GRID1: variants seen among roughly 807,000 people sequenced by gnomAD.
GRID1 encodes the protein glutamate receptor ionotropic, delta-1.
Under a neutral mutation model 98.0 loss-of-function variants are expected in GRID1, and 28 were observed. The ratio of observed to expected loss-of-function variants is 0.29; its 90% confidence interval spans 0.21 to 0.39. The LOEUF is 0.39. Ranked by LOEUF, GRID1 falls within the 10% of genes least tolerant of loss-of-function variation. GRID1 has a pLI of 1.00. For missense variants in GRID1, 1,111 were observed against 1,340.5 expected (o/e 0.83, Z 2.67); for synonymous variants, 553 against 538.5 (o/e 1.03, Z -0.37).
intron 3 of GRID1, among the ~76,000 whole-genome samples, chr10:86,180,693 A>C (rs1845643295): frequency 6.6e-6 from 1 of 152,124 alleles, no homozygotes; most frequent in African/African-American, 2.4e-5. Context: ...AGCTGCAGGC[A>C]GGAACAAGGC....
chr10:85,627,477 G>C (rs1226805961), intron 13 of GRID1, among the ~76,000 whole-genome samples: 1 of 152,186 alleles, frequency 6.6e-6, no homozygotes, highest in Admixed American at 6.5e-5. Context: ...AAATTATTAT[G>C]TAAAACTTTA....
At chr10:86,084,817 T>C (rs1399929692) in intron 4 of GRID1, among the ~76,000 whole-genome samples, 5 of 152,048 alleles carry the variant, frequency 3.3e-5, no homozygotes, top group Admixed American at 2.6e-4. Context: ...ATGAGTTATG[T>C]AGAGCAGTCA....
intron 15 of GRID1, among the ~76,000 whole-genome samples, chr10:85,608,496 T>A (rs1367859311): frequency 6.6e-6 from 1 of 152,240 alleles, no homozygotes; most frequent in Admixed American, 6.5e-5. Context: ...ATTCATTCAA[T>A]AAACGTGTTT....
At chr10:86,042,607 C>T (rs1843362332) in intron 4 of GRID1, among the ~76,000 whole-genome samples, 1 of 152,156 alleles carries the variant, frequency 6.6e-6, no homozygotes, top group South Asian at 2.1e-4. Context: ...TAACAGCAAA[C>T]TCAAGACCTA....
chr10:85,792,203 T>C (rs940195896), intron 8 of GRID1, among the ~76,000 whole-genome samples: 2 of 152,146 alleles, frequency 1.3e-5, no homozygotes, highest in African/African-American at 2.4e-5. Context: ...CAACTGCCAG[T>C]GCCACCAGAG....
intron 12 of GRID1, chr10:85,647,618 A>G (rs538548489): frequency 2.3e-4 from 120 of 515,582 alleles, no homozygotes; most frequent in African/African-American, 2.0e-3. Flanking sequence ...GATTAATTCA[A>G]TAAGATGACT....
At chr10:86,205,813 T>C (rs1266751642) in intron 3 of GRID1, among the ~76,000 whole-genome samples, 2 of 152,198 alleles carry the variant, frequency 1.3e-5, no homozygotes, top group Non-Finnish European at 2.9e-5. Flanking sequence ...TTTTTTCATA[T>C]GAGAGGTCTT....
intron 8 of GRID1, among the ~76,000 whole-genome samples, chr10:85,792,894 A>T (rs896841101): frequency 6.6e-6 from 1 of 152,228 alleles, no homozygotes; most frequent in African/African-American, 2.4e-5. Context: ...CAGCAGGAGC[A>T]CTTGCCTGTC....
chr10:86,093,232 G>A (rs545892936), intron 4 of GRID1, among the ~76,000 whole-genome samples: 13 of 152,110 alleles, frequency 8.5e-5, no homozygotes, highest in Admixed American at 6.5e-4. Flanking sequence ...CAGCAAAGGC[G>A]GTGCTAAGAG....
chr10:86,042,376 A>C (rs915067381), intron 4 of GRID1, among the ~76,000 whole-genome samples: 33 of 152,316 alleles, frequency 2.2e-4, no homozygotes, highest in African/African-American at 7.7e-4. Flanking sequence ...GAGTCAGGGA[A>C]GCCTCTGGGT....
At chr10:86,133,157 G>A (rs774129161) in intron 4 of GRID1, among the ~76,000 whole-genome samples, 1 of 152,190 alleles carries the variant, frequency 6.6e-6, no homozygotes, top group Non-Finnish European at 1.5e-5. Flanking sequence ...CACCAGCAAT[G>A]CTCTCCTCCT....
chr10:86,336,095 T>G (rs1235842325), intron 2 of GRID1, among the ~76,000 whole-genome samples: 1 of 152,224 alleles, frequency 6.6e-6, no homozygotes, highest in East Asian at 1.9e-4. Context: ...CAGGGGCTGC[T>G]CCACTCCACC....
intron 15 of GRID1, among the ~76,000 whole-genome samples, chr10:85,610,860 A>T (rs1590158033): frequency 6.6e-6 from 1 of 152,090 alleles, no homozygotes; most frequent in African/African-American, 2.4e-5. Context: ...TTTCCATGCA[A>T]CCCTTCTTAG....
chr10:85,649,730 C>T (rs377488044), intron 12 of GRID1, among the ~76,000 whole-genome samples: 11 of 152,090 alleles, frequency 7.2e-5, no homozygotes, highest in East Asian at 5.8e-4. Flanking sequence ...TTCATTAAGG[C>T]GCCCACGGCC....
chr10:86,287,319 A>C (rs997590033), intron 2 of GRID1, among the ~76,000 whole-genome samples: 1 of 152,152 alleles, frequency 6.6e-6, no homozygotes, highest in Non-Finnish European at 1.5e-5. Flanking sequence ...ATTCTCTCGT[A>C]ACTAAAAGTT....
chr10:86,093,481 A>T (rs1314228327), intron 4 of GRID1, among the ~76,000 whole-genome samples: 1 of 152,168 alleles, frequency 6.6e-6, no homozygotes, highest in African/African-American at 2.4e-5. Flanking sequence ...AAGAAGAGAG[A>T]AAATCTAAAT....
At chr10:86,118,256 T>C (rs886932044) in intron 4 of GRID1, among the ~76,000 whole-genome samples, 1 of 152,150 alleles carries the variant, frequency 6.6e-6, no homozygotes, top group African/African-American at 2.4e-5. Context: ...ATCGTTATGT[T>C]CTCACTCATA....
rs555852581 is a variant in GRID1, at chr10:85,704,727, C to T, written c.1997+18276G>A. 3.5e-4 allele frequency among the ~76,000 whole-genome samples: 53 copies of T among 152,276 alleles called. 1 individual carries two copies. The highest frequency in any genetic ancestry group is 2.7e-3 in the South Asian group (13 of 4,832). On this transcript the variant is annotated intron_variant, in intron 12 of 15. Coordinates refer to ENST00000327946, the MANE Select transcript of GRID1 (RefSeq NM_017551.3). ...TGACCACATAGTTGGAAGTAAGGCA[C>T]GCCTCAGCAAATGTAAAAGAACAGA...
chr10:85,612,891 A>T (rs1341649445), intron 15 of GRID1: 1 of 153,052 alleles, frequency 6.5e-6, no homozygotes, highest in East Asian at 2.0e-4. Flanking sequence ...GGCTGGGTGC[A>T]CCCAGGAGGG....
Sources: gnomAD v4.1 joint callset for allele counts (sites outside exome capture counted in the v4.1 genomes callset) on GRCh38, gnomAD v4.1.1 for gene constraint, MANE v1.5 for transcripts, NCBI Gene and HGNC (gene_info 2026-07-23, HGNC 2026-07-21) for gene names.